Variants in KITLG observed in about 807,000 individuals in gnomAD.
KITLG encodes c-Kit ligand.
KITLG carries 13 observed loss-of-function variants against 34.1 expected under a neutral mutation model. The observed-to-expected ratio is 0.38, with a 90% CI of 0.25 to 0.61. KITLG has a LOEUF of 0.61. Among genes scored for constraint, KITLG ranks in the 20% least tolerant of loss-of-function variants. KITLG has a pLI of 0.60. For synonymous variants in KITLG, 110 were observed against 104.0 expected (o/e 1.06, Z -0.35); for missense variants, 292 against 318.9 (o/e 0.92, Z 0.64).
chr12:88,504,018 T>G (rs1177117349), intron 9 of KITLG, among the ~76,000 whole-genome samples: 1 of 152,170 alleles, frequency 6.6e-6, no homozygotes, highest in East Asian at 1.9e-4. Flanking sequence ...TTTTATTCTA[T>G]TAGTAATACT....
chr12:88,560,742 G>A (rs1326599093), intron 1 of KITLG, among the ~76,000 whole-genome samples: 1 of 152,232 alleles, frequency 6.6e-6, no homozygotes, highest in African/African-American at 2.4e-5. Context: ...GGCTGAGGCG[G>A]GCGGATCACA....
chr12:88,536,471 G>A (rs1019930002), intron 2 of KITLG, among the ~76,000 whole-genome samples: 2 of 151,994 alleles, frequency 1.3e-5, no homozygotes, highest in South Asian at 2.1e-4. Context: ...TTGACCCAGC[G>A]ATCCCATTAC....
At position 88,496,569 on chromosome 12, in the gene KITLG, T is replaced by TC. The variant is rs2120773624; in HGVS notation, c.*649_*650insG. 6.6e-6 allele frequency: 1 copy of TC among 152,394 alleles called. No individual in the cohort carries two copies. Among genetic ancestry groups the TC allele is most frequent in the East Asian group, 1.9e-4 (1 of 5,176 alleles). 9.4% of individuals were successfully genotyped at this position (152,394 alleles called of 1,614,324 possible). ...GCATAAATGGAACCAGGCAACCATT[T>TC]GCATTTGTATAGTGGGATATGGGTG... On this transcript the variant is annotated 3_prime_UTR_variant, in exon 10 of 10. Coordinates refer to ENST00000644744, the MANE Select transcript of KITLG (RefSeq NM_000899.5).
At chr12:88,542,074 C>T (rs190029323) in intron 2 of KITLG, among the ~76,000 whole-genome samples, 10 of 152,272 alleles carry the variant, frequency 6.6e-5, no homozygotes, top group Admixed American at 5.9e-4. Flanking sequence ...TTCCTCTCAT[C>T]CTATATAACC....
chr12:88,542,710 C>T (rs559072680), intron 2 of KITLG, among the ~76,000 whole-genome samples: 2 of 151,956 alleles, frequency 1.3e-5, no homozygotes, highest in Admixed American at 6.6e-5. Flanking sequence ...ACATAAATAA[C>T]TTTTATGTAG....
At chr12:88,574,864 A>G (rs1416851254) in intron 1 of KITLG, among the ~76,000 whole-genome samples, 1 of 152,212 alleles carries the variant, frequency 6.6e-6, no homozygotes, top group East Asian at 1.9e-4. Context: ...GATCCTCTTT[A>G]ACTATGGATT....
chr12:88,565,781 C>T (rs1871424230), intron 1 of KITLG, among the ~76,000 whole-genome samples: 1 of 152,144 alleles, frequency 6.6e-6, no homozygotes, highest in Non-Finnish European at 1.5e-5. Flanking sequence ...AGCTCAGATT[C>T]CTCCTCTTGT....
chr12:88,535,345 T>C (rs568207181), intron 2 of KITLG, among the ~76,000 whole-genome samples: 2 of 152,316 alleles, frequency 1.3e-5, no homozygotes, highest in East Asian at 3.9e-4. Flanking sequence ...TGAAAAATAA[T>C]ACTGTTTTTG....
chr12:88,545,708 C>T, intron 2 of KITLG, 44 bp downstream of exon 2: 1 of 1,088,986 alleles, frequency 9.2e-7, no homozygotes, highest in Non-Finnish European at 1.4e-6. Context: ...GAAAAAGAGC[C>T]ACAGCTCTTT....
At chr12:88,538,004 T>C (rs1870390487) in intron 2 of KITLG, among the ~76,000 whole-genome samples, 1 of 152,158 alleles carries the variant, frequency 6.6e-6, no homozygotes, top group South Asian at 2.1e-4. Flanking sequence ...TCAGCCTAAA[T>C]TTTTACATGT....
At chr12:88,498,174 G>A (rs575480781) in intron 9 of KITLG, among the ~76,000 whole-genome samples, 5 of 151,904 alleles carry the variant, frequency 3.3e-5, no homozygotes, top group Admixed American at 6.6e-5. Flanking sequence ...TGCATTTCTC[G>A]TCTTCTCTGC....
At chr12:88,573,244 C>T (rs1450864802) in intron 1 of KITLG, among the ~76,000 whole-genome samples, 1 of 152,168 alleles carries the variant, frequency 6.6e-6, no homozygotes, top group African/African-American at 2.4e-5. Flanking sequence ...ATGGATAACA[C>T]ATCCAGGAGG....
chr12:88,574,207 T>G (rs1871750250), intron 1 of KITLG, among the ~76,000 whole-genome samples: 1 of 151,342 alleles, frequency 6.6e-6, no homozygotes, highest in Non-Finnish European at 1.5e-5. Context: ...ATGTGTGTTC[T>G]CCTAGCTTGA....
chr12:88,578,629 T>C (rs1488725698), intron 1 of KITLG, among the ~76,000 whole-genome samples: 1 of 152,228 alleles, frequency 6.6e-6, no homozygotes, highest in Non-Finnish European at 1.5e-5. Flanking sequence ...TAATCAATCC[T>C]ACTGCCTCTC....
intron 3 of KITLG, among the ~76,000 whole-genome samples, chr12:88,529,582 G>A (rs568421168): frequency 1.5e-4 from 23 of 152,288 alleles, no homozygotes; most frequent in Non-Finnish European, 1.0e-4. Context: ...AAATAAAAGT[G>A]TATTCTATTC....
Position 88,546,083 on chromosome 12 carries a change from G to A in KITLG, c.16-218C>T, listed in dbSNP as rs191666932. ...GAATTATTCTCTCAATGACAATATT[G>A]TTAACTTTTGTTAAAAACTTTCTTC... On this transcript the variant is annotated intron_variant, in intron 1 of 9. Transcript: ENST00000644744. The A allele has an allele frequency of 1.9e-5, 12 of 620,210 alleles. No homozygotes were observed. In the East Asian group the frequency reaches 3.4e-4, roughly 18 times the overall value. 38.4% of individuals were successfully genotyped at this position (620,210 alleles called of 1,614,324 possible).
At chr12:88,507,422 T>TG (rs1214879985) in intron 6 of KITLG, among the ~76,000 whole-genome samples, 1 of 152,188 alleles carries the variant, frequency 6.6e-6, no homozygotes, top group African/African-American at 2.4e-5. Flanking sequence ...AATATATTTC[T>TG]GGGGGGAAAA....
At chr12:88,500,632 A>T (rs1245621718) in intron 9 of KITLG, among the ~76,000 whole-genome samples, 5 of 152,192 alleles carry the variant, frequency 3.3e-5, no homozygotes, top group African/African-American at 7.2e-5. Context: ...TATCTATCTT[A>T]ATCTTTGCTA....
chr12:88,505,519 G>T (rs1008419757), intron 8 of KITLG, among the ~76,000 whole-genome samples: 2 of 152,062 alleles, frequency 1.3e-5, no homozygotes, highest in African/African-American at 4.8e-5. Context: ...ATACATACAG[G>T]CATGACATGA....
Sources: allele counts gnomAD v4.1 joint callset (sites outside exome capture counted in the v4.1 genomes callset), GRCh38; gene constraint gnomAD v4.1.1; transcripts MANE v1.5; gene names NCBI Gene and HGNC (gene_info 2026-07-23, HGNC 2026-07-21).